The following DPP6 variants were observed in gnomAD, a reference collection of about 807,000 sequenced individuals.
The protein encoded by DPP6 is dipeptidyl peptidase like 6.
In DPP6, 69 loss-of-function variants were observed where a neutral mutation model predicts 122.6. The ratio of observed to expected loss-of-function variants is 0.56; its 90% confidence interval spans 0.46 to 0.69. The LOEUF (loss-of-function observed/expected upper bound fraction) is 0.69, where lower values mean the gene tolerates loss of function less well. DPP6 is among the 30% of genes least tolerant of loss of function. The pLI is 0.00. For synonymous variants in DPP6, 418 were observed against 433.1 expected (o/e 0.97, Z 0.43); for missense variants, 928 against 1,116.9 (o/e 0.83, Z 2.41).
the DPP6 span, among the ~76,000 whole-genome samples, chr7:153,763,170 C>T: frequency 1.3e-5 from 2 of 152,084 alleles, no homozygotes; most frequent in East Asian, 1.9e-4. Context: ...GTCTTTACTT[C>T]CATTTATTTC....
At chr7:154,885,900 G>A (rs1018295411) in intron 22 of DPP6, among the ~76,000 whole-genome samples, 156 bp downstream of exon 22, 7 of 151,676 alleles carry the variant, frequency 4.6e-5, no homozygotes, top group African/African-American at 1.5e-4. Context: ...GGAAGAACCC[G>A]GGGAAGGAGA....
At chr7:154,652,602 T>C (rs549347433) in intron 6 of DPP6, among the ~76,000 whole-genome samples, 3 of 152,250 alleles carry the variant, frequency 2.0e-5, no homozygotes, top group African/African-American at 7.2e-5. Context: ...CACATGTATG[T>C]TGTCAGGTCC....
chr7:154,704,883 G>C (rs1840738524), intron 7 of DPP6, among the ~76,000 whole-genome samples: 2 of 152,136 alleles, frequency 1.3e-5, no homozygotes, highest in African/African-American at 4.8e-5. Context: ...CCAAATCTTT[G>C]TGGCATGCCT....
At chr7:154,070,006 T>C (rs1447115310) in intron 1 of DPP6, among the ~76,000 whole-genome samples, 1 of 150,866 alleles carries the variant, frequency 6.6e-6, no homozygotes, top group African/African-American at 2.4e-5. Flanking sequence ...GAGCCGAGAT[T>C]GTGCCACTGC....
At chr7:153,898,028 A>T (rs946497824) in intron 1 of DPP6, among the ~76,000 whole-genome samples, 2 of 152,254 alleles carry the variant, frequency 1.3e-5, no homozygotes, top group African/African-American at 2.4e-5. Context: ...AGCCAAGAGC[A>T]TCAGAGGAGA....
chr7:154,598,054 A>G (rs1016768136), intron 5 of DPP6, among the ~76,000 whole-genome samples: 1 of 152,202 alleles, frequency 6.6e-6, no homozygotes, highest in African/African-American at 2.4e-5. Context: ...CGACTCCAAC[A>G]TGTCTTTTCT....
chr7:153,766,623 C>T, the DPP6 span, among the ~76,000 whole-genome samples: 3 of 152,074 alleles, frequency 2.0e-5, no homozygotes, highest in South Asian at 6.2e-4. Flanking sequence ...TTTAATCTAG[C>T]AAATTTATAT....
At chr7:154,865,655 C>T (rs1803802037) in intron 17 of DPP6, among the ~76,000 whole-genome samples, 1 of 152,160 alleles carries the variant, frequency 6.6e-6, no homozygotes, top group African/African-American at 2.4e-5. Flanking sequence ...GTCCTCGGGT[C>T]TGAGCTGTGT....
At chr7:154,252,596 A>G (rs956214481) in intron 1 of DPP6, among the ~76,000 whole-genome samples, 6 of 152,244 alleles carry the variant, frequency 3.9e-5, no homozygotes, top group African/African-American at 1.4e-4. Context: ...GTCATTGTTA[A>G]TTCCTGATCA....
At chr7:154,868,849 C>G (rs748755113) in intron 18 of DPP6, among the ~76,000 whole-genome samples, 1 of 152,212 alleles carries the variant, frequency 6.6e-6, no homozygotes, top group South Asian at 2.1e-4. Flanking sequence ...ACTGTCTTCC[C>G]CCAGAACTCT....
At chr7:154,231,705 GTC>G (rs1000651708) in intron 1 of DPP6, among the ~76,000 whole-genome samples, 16 of 152,218 alleles carry the variant, frequency 1.1e-4, no homozygotes, top group Admixed American at 3.9e-4. Context: ...ACTACCTGTT[GTC>G]TCTCTCCTGG....
rs10668895 is a variant in DPP6, at chr7:154,668,197, TTATATATATA to T, written c.681-1150_681-1141del. On this transcript the variant is annotated intron_variant, in intron 6 of 25. Coordinates refer to ENST00000377770, the MANE Select transcript of DPP6 (RefSeq NM_130797.4). ...GTGCATTCCCAGCTATGTGTATATT[TTATATATATA>T]TATATATATATAATATACACATTTT... 1.4e-4 allele frequency among the ~76,000 whole-genome samples: 5 copies of T among 36,484 alleles called. 1 individual carries two copies. In the East Asian group the frequency reaches 2.3e-3, roughly 17 times the overall value. 23.9% of individuals were successfully genotyped at this position (36,484 alleles called of 152,430 possible). A position where few individuals can be genotyped will look rare whatever the true frequency, so the allele number is the denominator to read the frequency against.
chr7:153,880,222 T>C, the DPP6 span, among the ~76,000 whole-genome samples: 1 of 152,168 alleles, frequency 6.6e-6, no homozygotes, highest in Non-Finnish European at 1.5e-5. Context: ...GTCTATTGCT[T>C]TCAGTTTATA....
chr7:154,881,272 G>A (rs1360361770), intron 21 of DPP6, among the ~76,000 whole-genome samples: 1 of 152,218 alleles, frequency 6.6e-6, no homozygotes, highest in Non-Finnish European at 1.5e-5. Context: ...AGCAAAGCAG[G>A]AATCTATTTC....
At chr7:154,427,579 C>T (rs1818017756) in intron 1 of DPP6, among the ~76,000 whole-genome samples, 1 of 152,200 alleles carries the variant, frequency 6.6e-6, no homozygotes, top group Admixed American at 6.5e-5. Flanking sequence ...AATATTTGCA[C>T]TTGGTATTTA....
At chr7:154,343,949 C>T (rs1399587783) in intron 1 of DPP6, among the ~76,000 whole-genome samples, 2 of 152,196 alleles carry the variant, frequency 1.3e-5, no homozygotes, top group African/African-American at 2.4e-5. Context: ...ATCCTGACCT[C>T]AAGTGATCCG....
chr7:153,977,003 G>C (rs1282167603), intron 1 of DPP6, among the ~76,000 whole-genome samples: 1 of 152,222 alleles, frequency 6.6e-6, no homozygotes, highest in Non-Finnish European at 1.5e-5. Context: ...GCTGTGCACG[G>C]TAGCCCCACT....
chr7:153,761,275 A>G, the DPP6 span, among the ~76,000 whole-genome samples: 1 of 152,236 alleles, frequency 6.6e-6, no homozygotes, highest in Non-Finnish European at 1.5e-5. Context: ...TTGTTAGTAC[A>G]TACCTTTTGA....
At chr7:153,882,205 T>C (rs1798776498), upstream of DPP6, among the ~76,000 whole-genome samples, 1 of 152,222 alleles carries the variant, frequency 6.6e-6, no homozygotes, top group Non-Finnish European at 1.5e-5. Flanking sequence ...CTTTTTCTAG[T>C]AGATATCTTC....
Sources: gnomAD v4.1 joint callset for allele counts (sites outside exome capture counted in the v4.1 genomes callset) on GRCh38, gnomAD v4.1.1 for gene constraint, MANE v1.5 for transcripts, NCBI Gene and HGNC (gene_info 2026-07-23, HGNC 2026-07-21) for gene names.